The following THRB variants were observed in gnomAD, a reference collection of about 807,000 sequenced individuals.
THRB encodes the protein nuclear receptor subfamily 1 group A member 2.
Under a neutral mutation model 47.8 loss-of-function variants are expected in THRB, and 12 were observed. The ratio of observed to expected loss-of-function variants is 0.25; its 90% CI spans 0.16 to 0.41. THRB has a LOEUF of 0.41. Ranked by LOEUF, THRB falls within the 10% of genes least tolerant of loss-of-function variation. THRB has a pLI of 1.00. For synonymous variants in THRB, 218 were observed against 212.2 expected, an observed-to-expected ratio of 1.03 and a Z score of -0.24; for missense variants, 348 against 589.2, an observed-to-expected ratio of 0.59 and a Z score of 4.24.
chr3:24,399,915 G>C (rs1409274189), intron 1 of THRB, among the ~76,000 whole-genome samples: 1 of 152,118 alleles, frequency 6.6e-6, no homozygotes, highest in Non-Finnish European at 1.5e-5. Flanking sequence ...GAAGAAGGTA[G>C]GGGAGGACGT....
chr3:24,381,647 TA>T lies in THRB; in HGVS notation c.-260-44277del, dbSNP rs574992550. Among the ~76,000 whole-genome samples, 20 of 152,258 alleles carry T rather than the reference TA, an allele frequency of 1.3e-4. No homozygotes were observed. In the South Asian group the frequency reaches 3.9e-3, roughly 30 times the overall value. On this transcript the variant is annotated intron_variant, in intron 1 of 10. Coordinates refer to ENST00000646209, the MANE Select transcript of THRB (RefSeq NM_001354712.2). ...TAAGACTGAAATATGACCTTGTCTT[TA>T]AAAAACATAGATCCCGGTATAAAAT...
chr3:24,485,095 A>G (rs1302557090), intron 1 of THRB, among the ~76,000 whole-genome samples: 1 of 152,262 alleles, frequency 6.6e-6, no homozygotes, highest in Non-Finnish European at 1.5e-5. Flanking sequence ...ATGAAACTCA[A>G]CACGACAATG....
chr3:24,402,267 A>G (rs2067467661), intron 1 of THRB, among the ~76,000 whole-genome samples: 1 of 152,068 alleles, frequency 6.6e-6, no homozygotes, highest in Non-Finnish European at 1.5e-5. Context: ...CAATGTAGGC[A>G]TATCAGATCA....
chr3:24,136,668 CTGA>C (rs911630126), intron 8 of THRB, among the ~76,000 whole-genome samples: 3 of 152,218 alleles, frequency 2.0e-5, no homozygotes, highest in Non-Finnish European at 1.5e-5. Context: ...AGCTCCAATA[CTGA>C]TGATAAGTCT....
intron 1 of THRB, chr3:24,458,340 GT>G (rs1577716744): frequency 6.6e-6 from 1 of 152,104 alleles, no homozygotes; most frequent in African/African-American, 2.4e-5. Flanking sequence ...CCACGGAAGA[GT>G]TTTTTAATCA....
intron 5 of THRB, among the ~76,000 whole-genome samples, chr3:24,171,602 CTG>C (rs1461026786): frequency 2.0e-5 from 3 of 152,160 alleles, no homozygotes; most frequent in African/African-American, 7.2e-5. Context: ...CCTGCTTTGA[CTG>C]TATCATTTCT....
intron 4 of THRB, among the ~76,000 whole-genome samples, chr3:24,222,963 C>T (rs1485372161): frequency 6.6e-6 from 1 of 152,194 alleles, no homozygotes; most frequent in Non-Finnish European, 1.5e-5. Flanking sequence ...CTCCAGATTT[C>T]CCTTCAGAAT....
chr3:24,427,829 T>C (rs1259025060), intron 1 of THRB, among the ~76,000 whole-genome samples: 1 of 152,084 alleles, frequency 6.6e-6, no homozygotes, highest in Non-Finnish European at 1.5e-5. Flanking sequence ...ACAGTATCTT[T>C]AACCAAGAAG....
intron 2 of THRB, among the ~76,000 whole-genome samples, chr3:24,301,209 T>G (rs1291131955): frequency 6.6e-6 from 1 of 152,164 alleles, no homozygotes; most frequent in African/African-American, 2.4e-5. Context: ...AAACTTCTTC[T>G]CCCCAGAACT....
intron 1 of THRB, among the ~76,000 whole-genome samples, chr3:24,467,804 G>C (rs1425256283): frequency 6.6e-6 from 1 of 152,132 alleles, no homozygotes; most frequent in Non-Finnish European, 1.5e-5. Context: ...GGGCCCTCAG[G>C]TATTCATAAT....
At chr3:24,377,850 G>GAAATAAGGGACTTTCCACAGTC (rs2065407558) in intron 1 of THRB, among the ~76,000 whole-genome samples, 1 of 152,062 alleles carries the variant, frequency 6.6e-6, no homozygotes, top group Non-Finnish European at 1.5e-5. Context: ...ATGAGTCTAT[G>GAAATAAGGGACTTTCCACAGTC]AAATAAGGGA....
At chr3:24,401,453 A>G (rs1290944946) in intron 1 of THRB, among the ~76,000 whole-genome samples, 1 of 151,594 alleles carries the variant, frequency 6.6e-6, no homozygotes, top group Non-Finnish European at 1.5e-5. Context: ...GAGGAAAAAT[A>G]CTCCCTAGTT....
chr3:24,321,210 T>C (rs1205480014), intron 2 of THRB, among the ~76,000 whole-genome samples: 5 of 152,154 alleles, frequency 3.3e-5, no homozygotes, highest in African/African-American at 7.2e-5. Context: ...TAACCAGTTG[T>C]GTTACTATAA....
intron 3 of THRB, among the ~76,000 whole-genome samples, chr3:24,274,052 TTTTTC>T (rs1464475125): frequency 1.3e-5 from 2 of 152,230 alleles, no homozygotes; most frequent in African/African-American, 4.8e-5. Flanking sequence ...TCCTCTATTT[TTTTTC>T]TTAACATTAT....
intron 1 of THRB, chr3:24,430,318 G>A (rs1460267655): frequency 6.6e-6 from 1 of 152,122 alleles, no homozygotes; most frequent in African/African-American, 2.4e-5. Context: ...ACCAAAAGCA[G>A]CTTCATATGT....
intron 2 of THRB, 148 bp downstream of exon 2, chr3:24,337,152 A>AT (rs1219355414): frequency 6.6e-6 from 1 of 152,064 alleles, no homozygotes; most frequent in East Asian, 1.9e-4. Context: ...AATGCTTTAT[A>AT]TTTTTTCGGA....
chr3:24,425,715 G>C (rs972958454), intron 1 of THRB, among the ~76,000 whole-genome samples: 1 of 151,752 alleles, frequency 6.6e-6, no homozygotes, highest in Non-Finnish European at 1.5e-5. Context: ...TGCCTATGGG[G>C]GATTATTCTA....
intron 4 of THRB, among the ~76,000 whole-genome samples, chr3:24,218,888 A>T (rs2046883714): frequency 6.6e-6 from 1 of 152,184 alleles, no homozygotes. Context: ...TATTTAAAAA[A>T]ATTAAAAATA....
In THRB at chr3:24,279,183, T is replaced by C. The variant is rs1397247627; in HGVS notation, c.-43+18043A>G. On this transcript the variant is annotated intron_variant, in intron 3 of 10. Transcript: ENST00000646209. ...TCAACTTTCAAAGAACATAATTTGA[T>C]TGGTACTTCGATTCCATAAATGGAG... Among the ~76,000 whole-genome samples the C allele has an allele frequency of 2.0e-5, 3 of 152,148 alleles. No homozygotes were observed. In the East Asian group the frequency reaches 5.8e-4, roughly 29 times the overall value.
Sources: gnomAD v4.1 joint callset for allele counts (sites outside exome capture counted in the v4.1 genomes callset) on GRCh38, gnomAD v4.1.1 for gene constraint, MANE v1.5 for transcripts, NCBI Gene and HGNC (gene_info 2026-07-23, HGNC 2026-07-21) for gene names.